Variants in SYT1 observed in about 807,000 individuals in gnomAD.
SYT1 encodes the protein synaptotagmin-1.
In SYT1, 8 loss-of-function variants were observed where a neutral mutation model predicts 44.8. The ratio of observed to expected loss-of-function variants is 0.18; its 90% CI spans 0.10 to 0.32. The LOEUF is 0.32. Ranked by LOEUF, SYT1 falls within the 10% of genes least tolerant of loss-of-function variation. The pLI is 1.00. For synonymous variants in SYT1, 154 were observed against 188.8 expected, an observed-to-expected ratio of 0.82 and a Z score of 1.51; for missense variants, 286 against 509.3, an observed-to-expected ratio of 0.56 and a Z score of 4.22.
chr12:78,938,807 CT>C (rs1381544571), intron 1 of SYT1, among the ~76,000 whole-genome samples: 15 of 152,208 alleles, frequency 9.9e-5, no homozygotes, highest in Admixed American at 6.5e-5. Flanking sequence ...CAGCTGCCGT[CT>C]TTGTGTAGCT....
At chr12:78,904,457 A>G (rs1202691135) in intron 1 of SYT1, among the ~76,000 whole-genome samples, 2 of 152,164 alleles carry the variant, frequency 1.3e-5, no homozygotes, top group Non-Finnish European at 2.9e-5. Flanking sequence ...ACATGGATGT[A>G]TAAAACATCA....
intron 4 of SYT1, among the ~76,000 whole-genome samples, chr12:79,265,722 A>T (rs1291673348): frequency 6.6e-6 from 1 of 152,164 alleles, no homozygotes; most frequent in Non-Finnish European, 1.5e-5. Context: ...CTATTCTACA[A>T]TATGGTGTTT....
chr12:79,161,600 G>A (rs886085226), intron 3 of SYT1, among the ~76,000 whole-genome samples: 2 of 152,120 alleles, frequency 1.3e-5, no homozygotes, highest in African/African-American at 4.8e-5. Context: ...ACATGTGTAA[G>A]ACATTTTACA....
chr12:79,429,719 C>T (rs1457074867), intron 9 of SYT1, among the ~76,000 whole-genome samples: 3 of 152,132 alleles, frequency 2.0e-5, no homozygotes, highest in Non-Finnish European at 2.9e-5. Flanking sequence ...TTAGTAGAGA[C>T]GGGGTTTCAC....
At chr12:78,929,388 T>G (rs1268641180) in intron 1 of SYT1, among the ~76,000 whole-genome samples, 1 of 81,280 alleles carries the variant, frequency 1.2e-5, no homozygotes, top group Non-Finnish European at 2.2e-5. Context: ...TCAGCCTGGG[T>G]GACAGAGAGA....
At chr12:79,167,747 T>G in intron 3 of SYT1, among the ~76,000 whole-genome samples, 1 of 152,052 alleles carries the variant, frequency 6.6e-6, no homozygotes. Flanking sequence ...ATGCTTATAG[T>G]GTAATACAGC....
intron 8 of SYT1, among the ~76,000 whole-genome samples, chr12:79,308,592 AAGAAAGAAAGAAAG>A (rs1565901372): frequency 3.4e-5 from 3 of 87,418 alleles, no homozygotes; most frequent in African/African-American, 1.3e-4. Flanking sequence ...GAAAAGAAAG[AAGAAAGAAAGAAAG>A]AAAGAAAAAG....
rs138728572 is a variant in SYT1, at chr12:79,160,454, G to A, written c.-17-57049G>A. On this transcript the variant is annotated intron_variant, in intron 3 of 10. Coordinates refer to ENST00000261205, the MANE Select transcript of SYT1 (RefSeq NM_005639.3). ...AGTCTGGCTAAGAAGTTATGTTCAC[G>A]TGAACTAAGGGAAAGCATTAGAAAT... Among the ~76,000 whole-genome samples the A allele has an allele frequency of 5.1e-3, 778 of 152,234 alleles. 6 individuals are homozygous for A. The highest frequency in any genetic ancestry group is 0.017 in the African/African-American group (724 of 41,562).
chr12:78,865,818 A>G (rs749975134), intron 1 of SYT1, among the ~76,000 whole-genome samples: 3 of 152,152 alleles, frequency 2.0e-5, no homozygotes, highest in Non-Finnish European at 2.9e-5. Context: ...TTTGAGTGCC[A>G]ACCATCTGAC....
chr12:78,942,814 C>A (rs1878451051), intron 1 of SYT1, among the ~76,000 whole-genome samples: 1 of 152,152 alleles, frequency 6.6e-6, no homozygotes, highest in African/African-American at 2.4e-5. Context: ...CGAGGGTCGA[C>A]AGAAAGGAAA....
intron 7 of SYT1, among the ~76,000 whole-genome samples, chr12:79,297,491 G>A (rs1471509947): frequency 6.6e-6 from 1 of 151,986 alleles, no homozygotes; most frequent in Non-Finnish European, 1.5e-5. Context: ...AATTATATGA[G>A]CTAATGTATT....
chr12:78,995,599 C>T (rs544064458), intron 2 of SYT1, among the ~76,000 whole-genome samples: 92 of 152,286 alleles, frequency 6.0e-4, no homozygotes, highest in Middle Eastern at 3.4e-3. Context: ...AGTAGCATTT[C>T]GCCAGCATAT....
chr12:79,434,673 A>G (rs1256093345), intron 9 of SYT1, among the ~76,000 whole-genome samples: 3 of 152,224 alleles, frequency 2.0e-5, no homozygotes, highest in African/African-American at 4.8e-5. Context: ...GACCACTTAT[A>G]CAAGTGCCTG....
chr12:79,276,935 A>G (rs1483096324), intron 4 of SYT1, among the ~76,000 whole-genome samples: 1 of 150,562 alleles, frequency 6.6e-6, no homozygotes, highest in South Asian at 2.1e-4. Context: ...TGAAGGAAGG[A>G]GAAGAAGAAG....
intron 4 of SYT1, among the ~76,000 whole-genome samples, chr12:79,257,150 A>G (rs1877566950): frequency 6.6e-6 from 1 of 152,234 alleles, no homozygotes; most frequent in African/African-American, 2.4e-5. Flanking sequence ...AAGAAAACCC[A>G]TCAGATATTA....
chr12:79,434,979 C>T (rs912259907), intron 9 of SYT1, among the ~76,000 whole-genome samples: 4 of 152,072 alleles, frequency 2.6e-5, no homozygotes, highest in African/African-American at 9.7e-5. Context: ...TAAAGATAGA[C>T]ACATAACTCA....
chr12:79,202,159 A>G (rs184984876), intron 3 of SYT1, among the ~76,000 whole-genome samples: 4 of 152,324 alleles, frequency 2.6e-5, no homozygotes, highest in South Asian at 2.1e-4. Context: ...TCTTTATTTG[A>G]AGATCTGAGA....
intron 3 of SYT1, among the ~76,000 whole-genome samples, chr12:79,093,911 T>A (rs1293200735): frequency 6.6e-6 from 1 of 151,672 alleles, no homozygotes; most frequent in East Asian, 1.9e-4. Context: ...TGAACTGGCA[T>A]TGTACCAACA....
Position 79,426,789 on chromosome 12 carries a change from C to T in SYT1, c.929-17284C>T, listed in dbSNP as rs182057697. ...ATTATGATATGGTTTGGCTGTGTCC[C>T]CACCTAAAATCTCATCTTGAATTCC... On this transcript the variant is annotated intron_variant, in intron 9 of 10. Coordinates refer to ENST00000261205, the MANE Select transcript of SYT1 (RefSeq NM_005639.3). Among the ~76,000 whole-genome samples the T allele has an allele frequency of 2.1e-3, 313 of 152,196 alleles. 1 individual carries two copies. The highest frequency in any genetic ancestry group is 3.5e-3 in the Non-Finnish European group (239 of 68,010).
Sources: gnomAD v4.1 joint callset for allele counts (sites outside exome capture counted in the v4.1 genomes callset) on GRCh38, gnomAD v4.1.1 for gene constraint, MANE v1.5 for transcripts, NCBI Gene and HGNC (gene_info 2026-07-23, HGNC 2026-07-21) for gene names.